The following KCNIP3 variants were observed in gnomAD, a reference collection of about 807,000 sequenced individuals.
The protein encoded by KCNIP3 is potassium voltage-gated channel interacting protein 3, also known as calsenilin.
Under a neutral mutation model 35.0 loss-of-function variants are expected in KCNIP3, and 28 were observed. The observed-to-expected ratio is 0.80, with a 90% CI of 0.59 to 1.10. The LOEUF (loss-of-function observed/expected upper bound fraction) is 1.10. Ranked by LOEUF, KCNIP3 falls within the 50% of genes least tolerant of loss-of-function variation. The pLI, the probability that KCNIP3 is intolerant of heterozygous loss-of-function variation, is 0.00. For synonymous variants in KCNIP3, 134 were observed against 133.8 expected (o/e 1.00, Z -0.01); for missense variants, 295 against 338.4 (o/e 0.87, Z 1.01).
At chr2:95,330,665 C>T (rs775381244) in intron 2 of KCNIP3, among the ~76,000 whole-genome samples, 1 of 152,130 alleles carries the variant, frequency 6.6e-6, no homozygotes, top group African/African-American at 2.4e-5. Context: ...CAGTGGCCAC[C>T]GATGCAGAGG....
intron 2 of KCNIP3, among the ~76,000 whole-genome samples, chr2:95,320,330 G>C (rs1369619158): frequency 1.3e-5 from 2 of 152,138 alleles, no homozygotes; most frequent in Non-Finnish European, 2.9e-5. Flanking sequence ...CAAGTACTCA[G>C]GGAATCCTTT....
chr2:95,357,333 G>A (rs1045073966), intron 2 of KCNIP3, among the ~76,000 whole-genome samples: 1 of 152,206 alleles, frequency 6.6e-6, no homozygotes, highest in Non-Finnish European at 1.5e-5. Flanking sequence ...CTGAGCAGCA[G>A]AGACTAAGTG....
intron 2 of KCNIP3, among the ~76,000 whole-genome samples, chr2:95,371,546 ATTGG>A (rs1680041661): frequency 6.6e-6 from 1 of 152,182 alleles, no homozygotes; most frequent in South Asian, 2.1e-4. Context: ...ATTAGGTCAA[ATTGG>A]TTGATGGTGT....
intron 2 of KCNIP3, among the ~76,000 whole-genome samples, chr2:95,332,268 CAGG>C (rs1462707834): frequency 1.3e-5 from 2 of 152,256 alleles, no homozygotes; most frequent in Non-Finnish European, 2.9e-5. Flanking sequence ...TGCGTACCAA[CAGG>C]AGAACGTATT....
chr2:95,343,177 C>CG (rs1446147763), intron 2 of KCNIP3, among the ~76,000 whole-genome samples: 1 of 151,720 alleles, frequency 6.6e-6, no homozygotes, highest in Admixed American at 6.6e-5. Flanking sequence ...ACAGGCTGGA[C>CG]GGGGTGGGGA....
At chr2:95,305,263 A>T (rs1196811369) in intron 1 of KCNIP3, among the ~76,000 whole-genome samples, 1 of 152,218 alleles carries the variant, frequency 6.6e-6, no homozygotes, top group Admixed American at 6.5e-5. Flanking sequence ...ATTTATTCAG[A>T]GCCTTGTGCA....
Position 95,316,810 on chromosome 2 carries a change from G to T in KCNIP3, c.181+6290G>T, listed in dbSNP as rs534894106. On this transcript the variant is annotated intron_variant, in intron 2 of 8. Transcript: ENST00000295225. Reference sequence around the variant, plus strand: ...GAACCCTGCTGGTGAAACTCAGGAAGAATGAATACAGAACTGGCATTCTCA... The same window carrying T: ...GAACCCTGCTGGTGAAACTCAGGAATAATGAATACAGAACTGGCATTCTCA... Among the ~76,000 whole-genome samples, 27 of 152,328 alleles carry T rather than the reference G, an allele frequency of 1.8e-4. No individual in the cohort carries two copies. In the South Asian group the frequency reaches 1.9e-3, roughly 11 times the overall value.
intron 2 of KCNIP3, among the ~76,000 whole-genome samples, chr2:95,347,365 G>A (rs1428356919): frequency 6.6e-6 from 1 of 152,194 alleles, no homozygotes; most frequent in Non-Finnish European, 1.5e-5. Context: ...CACCTTGAGC[G>A]GACAGCTCCT....
At chr2:95,297,491 G>A (rs771693043) in intron 1 of KCNIP3, 38 bp downstream of exon 1, 1 of 1,314,442 alleles carries the variant, frequency 7.6e-7, no homozygotes, top group South Asian at 1.3e-5. Context: ...TCTGGAGGGG[G>A]GTCGGGGGGA....
At chr2:95,303,431 G>A (rs957133395) in intron 1 of KCNIP3, 12 of 152,362 alleles carry the variant, frequency 7.9e-5, no homozygotes, top group African/African-American at 2.9e-4. Context: ...AGGAAGGCAT[G>A]GGGGACAGCC....
intron 2 of KCNIP3, chr2:95,347,037 G>A (rs1679391390): frequency 2.5e-6 from 4 of 1,610,632 alleles, no homozygotes; most frequent in Non-Finnish European, 3.4e-6. Flanking sequence ...TCCAGGGCAT[G>A]GAGCTGTGCG....
At chr2:95,328,601 C>T (rs1678849104) in intron 2 of KCNIP3, among the ~76,000 whole-genome samples, 1 of 152,216 alleles carries the variant, frequency 6.6e-6, no homozygotes, top group African/African-American at 2.4e-5. Context: ...GTGCACACTC[C>T]TGTGTGTGTG....
chr2:95,303,341 C>T lies in KCNIP3; in HGVS notation c.15+5888C>T, dbSNP rs147816490. The T allele has an allele frequency of 7.2e-3, 1,100 of 152,508 alleles. 14 individuals are homozygous for T. The highest frequency in any genetic ancestry group is 0.011 in the Non-Finnish European group (763 of 68,138). 9.4% of individuals were successfully genotyped at this position (152,508 alleles called of 1,614,324 possible). A position where few individuals can be genotyped will look rare whatever the true frequency, so the allele number is the denominator to read the frequency against. On this transcript the variant is annotated intron_variant, in intron 1 of 8. Transcript: ENST00000295225. ...GTCCTGGAGGTTTGTTCCAAGTGCT[C>T]AGCCTCTGTCTGTGGTGTGGAAACT...
intron 2 of KCNIP3, among the ~76,000 whole-genome samples, chr2:95,339,097 C>G (rs1679130864): frequency 1.3e-5 from 2 of 152,316 alleles, no homozygotes; most frequent in South Asian, 2.1e-4. Context: ...GGATGAGGCT[C>G]TGGGCCCTGT....
intron 1 of KCNIP3, among the ~76,000 whole-genome samples, chr2:95,307,909 C>T (rs111376985): frequency 0.034 from 5,138 of 152,340 alleles, 147 homozygotes; most frequent in Middle Eastern, 0.1. Flanking sequence ...TCCCCTACGA[C>T]CCTCCTTAAC....
chr2:95,376,377 G>A lies in KCNIP3; in HGVS notation c.447+1169G>A, dbSNP rs1477555924. 1.3e-5 allele frequency among the ~76,000 whole-genome samples: 2 copies of A among 152,298 alleles called. No individual in the cohort carries two copies. The highest frequency in any genetic ancestry group is 1.9e-4 in the East Asian group (1 of 5,174). The stretch of plus-strand genomic sequence containing the variant: ...CAGGAATGAGATGACTGAGAGGCTC[G>A]GCAGAGCCCCTGCTCATGGCAGTGC... On this transcript the variant is annotated intron_variant, in intron 5 of 8. Coordinates refer to ENST00000295225, the MANE Select transcript of KCNIP3 (RefSeq NM_013434.5). This position sits in a 1 kb window ranked among gnomAD's most constrained non-coding sequence, Gnocchi z 4.2.
At chr2:95,340,362 C>CA (rs757786107) in intron 2 of KCNIP3, among the ~76,000 whole-genome samples, 29 of 132,788 alleles carry the variant, frequency 2.2e-4, no homozygotes, top group African/African-American at 4.0e-4. Context: ...AACAAACAAA[C>CA]AACAACAACA....
intron 1 of KCNIP3, among the ~76,000 whole-genome samples, chr2:95,298,297 C>G (rs1004359688): frequency 7.9e-5 from 12 of 152,184 alleles, no homozygotes; most frequent in African/African-American, 2.7e-4. Flanking sequence ...GGGTTTCTCT[C>G]TCATGCAGAA....
intron 2 of KCNIP3, chr2:95,310,766 C>A (rs1394144680): frequency 1.9e-6 from 1 of 524,876 alleles, no homozygotes; most frequent in South Asian, 2.0e-5. Flanking sequence ...GACCACACTG[C>A]GGTTTTCCAG....
Sources: allele counts gnomAD v4.1 joint callset (sites outside exome capture counted in the v4.1 genomes callset), GRCh38; gene constraint gnomAD v4.1.1; non-coding constraint Gnocchi (gnomAD v3.1); transcripts MANE v1.5; gene names NCBI Gene and HGNC (gene_info 2026-07-23, HGNC 2026-07-21).